The following NUBPL variants were observed in gnomAD, a reference collection of about 807,000 sequenced individuals.
NUBPL encodes the protein iron-sulfur cluster transfer protein NUBPL.
In NUBPL, 31 loss-of-function variants were observed where a neutral mutation model predicts 45.7. That is an observed-to-expected ratio of 0.68 (90% confidence interval 0.51 to 0.92). The LOEUF (loss-of-function observed/expected upper bound fraction) is 0.92, where lower values mean the gene tolerates loss of function less well. Among genes scored for constraint, NUBPL ranks in the 40% least tolerant of loss-of-function variants. The pLI, the probability that NUBPL is intolerant of heterozygous loss-of-function variation, is 0.00. For missense variants in NUBPL, 401 were observed against 398.7 expected, an observed-to-expected ratio of 1.01 and a Z score of -0.05; for synonymous variants, 144 against 140.9, an observed-to-expected ratio of 1.02 and a Z score of -0.15.
intron 6 of NUBPL, among the ~76,000 whole-genome samples, chr14:31,674,433 C>T (rs2036644533): frequency 6.6e-6 from 1 of 152,036 alleles, no homozygotes; most frequent in Non-Finnish European, 1.5e-5. Flanking sequence ...ACTTTTGCTG[C>T]TTGAATTGTG....
intron 3 of NUBPL, among the ~76,000 whole-genome samples, chr14:31,574,244 G>A (rs903121828): frequency 3.3e-5 from 5 of 150,602 alleles, no homozygotes; most frequent in African/African-American, 9.7e-5. Context: ...ATAAATCAGT[G>A]CACATCTTAT....
At chr14:31,571,529 A>C (rs529850432) in intron 3 of NUBPL, among the ~76,000 whole-genome samples, 1 of 151,542 alleles carries the variant, frequency 6.6e-6, no homozygotes, top group Non-Finnish European at 1.5e-5. Flanking sequence ...GGCTCACTGC[A>C]ACCTCTGCCT....
intron 4 of NUBPL, among the ~76,000 whole-genome samples, chr14:31,652,845 A>AC (rs1306170059): frequency 6.6e-5 from 10 of 152,066 alleles, no homozygotes; most frequent in Non-Finnish European, 8.8e-5. Flanking sequence ...GGGGGAACTC[A>AC]CCCCCCATAT....
intron 7 of NUBPL, among the ~76,000 whole-genome samples, chr14:31,813,171 C>G (rs1379827070): frequency 6.6e-6 from 1 of 151,546 alleles, no homozygotes; most frequent in East Asian, 1.9e-4. Flanking sequence ...GTATTTTTAG[C>G]AGAGACGGGG....
chr14:31,836,428 T>C (rs1052840678), intron 8 of NUBPL, among the ~76,000 whole-genome samples: 1 of 152,190 alleles, frequency 6.6e-6, no homozygotes, highest in Non-Finnish European at 1.5e-5. Flanking sequence ...TTTCTGCTAT[T>C]AAAGGATATA....
chr14:31,672,124 A>G (rs1289892289), intron 4 of NUBPL, among the ~76,000 whole-genome samples: 4 of 152,156 alleles, frequency 2.6e-5, no homozygotes, highest in African/African-American at 9.7e-5. Context: ...ACTATAAGCA[A>G]TAGATTGCTT....
intron 8 of NUBPL, 79 bp downstream of exon 8, chr14:31,826,793 AG>A: frequency 7.3e-7 from 1 of 1,361,842 alleles, no homozygotes; most frequent in Non-Finnish European, 1.0e-6. Context: ...ATACAGTTGA[AG>A]TTTTAATTTA....
intron 4 of NUBPL, among the ~76,000 whole-genome samples, chr14:31,669,805 T>TTTTTTTC: frequency 1.6e-5 from 1 of 63,554 alleles, no homozygotes; most frequent in Non-Finnish European, 3.1e-5. Context: ...TGGTTTTTTT[T>TTTTTTTC]TTTGTTTTTT....
intron 3 of NUBPL, among the ~76,000 whole-genome samples, chr14:31,579,356 A>C (rs968178385): frequency 4.6e-5 from 7 of 152,232 alleles, no homozygotes; most frequent in African/African-American, 1.7e-4. Flanking sequence ...TGTTTCTATT[A>C]GGCTATTTAA....
chr14:31,676,256 C>T (rs915596396), intron 6 of NUBPL, among the ~76,000 whole-genome samples: 26 of 151,994 alleles, frequency 1.7e-4, no homozygotes, highest in Non-Finnish European at 2.9e-4. Flanking sequence ...CTCCCAACTT[C>T]AGGTGATCTG....
intron 3 of NUBPL, among the ~76,000 whole-genome samples, chr14:31,580,836 G>A (rs1304018736): frequency 6.6e-6 from 1 of 152,140 alleles, no homozygotes; most frequent in Admixed American, 6.5e-5. Flanking sequence ...CAGGAAGAAG[G>A]TCCATGTGAT....
At chr14:31,602,079 G>C (rs1003213008) in intron 4 of NUBPL, among the ~76,000 whole-genome samples, 2 of 152,184 alleles carry the variant, frequency 1.3e-5, no homozygotes, top group Admixed American at 1.3e-4. Flanking sequence ...ATGAGTTCAT[G>C]TTCTTTGTAG....
intron 4 of NUBPL, among the ~76,000 whole-genome samples, chr14:31,621,156 T>C (rs1304441149): frequency 6.6e-6 from 1 of 152,162 alleles, no homozygotes; most frequent in Non-Finnish European, 1.5e-5. Context: ...GCGTCCCAGG[T>C]TGACCTCAGA....
chr14:31,679,992 A>G (rs1353854739), intron 6 of NUBPL, among the ~76,000 whole-genome samples: 3 of 152,192 alleles, frequency 2.0e-5, no homozygotes, highest in South Asian at 2.1e-4. Context: ...TTTTTTGATC[A>G]TCTTGTAAAT....
rs112952563 is a variant in NUBPL at position 31,766,716 on chromosome 14, G to C, written c.514-21064G>C. Among the ~76,000 whole-genome samples, 397 of 152,256 alleles carry C rather than the reference G, an allele frequency of 2.6e-3. 1 individual carries two copies. The highest frequency in any genetic ancestry group is 0.01 in the Middle Eastern group (3 of 294). ...CAAAGTAATCTCTGGTACCCCAAAA[G>C]CCAGTGAGATCAGGTAACACAAATA... On this transcript the variant is annotated intron_variant, in intron 6 of 10. Transcript: ENST00000281081.
intron 7 of NUBPL, among the ~76,000 whole-genome samples, chr14:31,793,853 A>AT (rs1304620329): frequency 5.7e-5 from 4 of 69,656 alleles, no homozygotes; most frequent in African/African-American, 4.6e-4. Flanking sequence ...TTTTTTTTTT[A>AT]TTTTTTCCCA....
At position 31,630,455 on chromosome 14, in the gene NUBPL, C is replaced by T. The variant is rs117404654; in HGVS notation, c.382+31076C>T. ...ATCAGTGAATGCCATTAGTTGGTGA[C>T]CTAGTCTTTGGTGTAAGATGATTAT... On this transcript the variant is annotated intron_variant, in intron 4 of 10. Transcript: ENST00000281081. Among the ~76,000 whole-genome samples, 773 of 152,228 alleles carry T rather than the reference C, an allele frequency of 5.1e-3. 3 individuals carry two copies. Among genetic ancestry groups the T allele is most frequent in the Non-Finnish European group, 8.5e-3 (581 of 68,002 alleles).
intron 8 of NUBPL, among the ~76,000 whole-genome samples, chr14:31,840,685 T>A (rs535508922): frequency 1.3e-5 from 2 of 152,118 alleles, no homozygotes; most frequent in South Asian, 4.1e-4. Context: ...TACTTCATAA[T>A]CTCACTTATA....
intron 8 of NUBPL, among the ~76,000 whole-genome samples, chr14:31,836,228 A>G (rs150263777): frequency 6.6e-6 from 1 of 152,320 alleles, no homozygotes; most frequent in East Asian, 1.9e-4. Context: ...AATCACACGC[A>G]AAAAGGTTGT....
Sources: gnomAD v4.1 joint callset for allele counts (sites outside exome capture counted in the v4.1 genomes callset) on GRCh38, gnomAD v4.1.1 for gene constraint, MANE v1.5 for transcripts, NCBI Gene and HGNC (gene_info 2026-07-23, HGNC 2026-07-21) for gene names.